SLCO6A1: variants seen among roughly 807,000 people sequenced by gnomAD.
SLCO6A1 encodes solute carrier organic anion transporter family member 6A1.
Under a neutral mutation model 72.7 loss-of-function variants are expected in SLCO6A1, and 65 were observed. The ratio of observed to expected loss-of-function variants is 0.89; its 90% confidence interval spans 0.73 to 1.10. SLCO6A1 has a LOEUF of 1.10. Among genes scored for constraint, SLCO6A1 ranks in the 50% least tolerant of loss-of-function variants. The probability of loss-of-function intolerance (pLI) is 0.00; values close to 1 mark genes in which losing one functional copy is unlikely to be tolerated. For synonymous variants in SLCO6A1, 314 were observed against 298.2 expected, an observed-to-expected ratio of 1.05 and a Z score of -0.55; for missense variants, 874 against 872.6, an observed-to-expected ratio of 1.00 and a Z score of -0.02.
At chr5:102,432,425 G>A (rs1192643708) in intron 7 of SLCO6A1, among the ~76,000 whole-genome samples, 1 of 152,144 alleles carries the variant, frequency 6.6e-6, no homozygotes, top group African/African-American at 2.4e-5. Flanking sequence ...TGTAAGGCAG[G>A]TCTGGTGGTA....
At chr5:102,394,034 T>C (rs184823893) in intron 10 of SLCO6A1, among the ~76,000 whole-genome samples, 122 of 152,308 alleles carry the variant, frequency 8.0e-4, no homozygotes, top group African/African-American at 2.9e-3. Flanking sequence ...CTAGTGCAGA[T>C]TGCCAGCATC....
At chr5:102,381,718 C>T (rs1207649898) in intron 12 of SLCO6A1, among the ~76,000 whole-genome samples, 3 of 143,940 alleles carry the variant, frequency 2.1e-5, no homozygotes, top group Non-Finnish European at 4.5e-5. Flanking sequence ...TCCACATCCT[C>T]ACCAATATTT....
In SLCO6A1 at chr5:102,373,513, A is replaced by G. The variant is rs748153829; in HGVS notation, c.2018-19T>C. The G allele has an allele frequency of 4.9e-6, 7 of 1,439,200 alleles. No individual in the cohort carries two copies. The East Asian group carries it at 1.8e-4, about 37-fold the overall frequency. The allele number at this position is 1,439,200 out of a possible 1,614,324, so 89.2% of individuals were successfully genotyped here. A position where few individuals can be genotyped will look rare whatever the true frequency, so the allele number is the denominator to read the frequency against. ...AGAAAACCTAAATTTAAAAAATGCA[A>G]TGATCAGATATGTCCATGTATTTAG... is the stretch of plus-strand genomic sequence containing the variant. On this transcript the variant is annotated intron_variant, in intron 12 of 13. Transcript: ENST00000506729.
chr5:102,393,313 G>A (rs774931062), intron 10 of SLCO6A1, among the ~76,000 whole-genome samples: 6 of 152,060 alleles, frequency 3.9e-5, no homozygotes, highest in Non-Finnish European at 7.4e-5. Flanking sequence ...ATTTAAAATG[G>A]TCAGCCTGAT....
At chr5:102,409,607 A>G (rs1747862642) in intron 9 of SLCO6A1, among the ~76,000 whole-genome samples, 1 of 151,988 alleles carries the variant, frequency 6.6e-6, no homozygotes, top group Non-Finnish European at 1.5e-5. Context: ...TATCAAAGCC[A>G]TTTTTCCTAG....
chr5:102,383,060 C>G (rs1746203209), intron 12 of SLCO6A1, among the ~76,000 whole-genome samples: 1 of 97,876 alleles, frequency 1.0e-5, no homozygotes, highest in Admixed American at 1.0e-4. Context: ...TGACACTCTA[C>G]CAAAAACTAT....
At chr5:102,394,201 T>C (rs1746934198) in intron 10 of SLCO6A1, among the ~76,000 whole-genome samples, 1 of 152,216 alleles carries the variant, frequency 6.6e-6, no homozygotes, top group Admixed American at 6.6e-5. Flanking sequence ...TTGTCCTCTA[T>C]ATGAGCATTG....
intron 7 of SLCO6A1, among the ~76,000 whole-genome samples, chr5:102,437,064 T>C (rs1172547134): frequency 6.6e-6 from 1 of 152,184 alleles, no homozygotes; most frequent in East Asian, 1.9e-4. Context: ...CCTGGCAAGA[T>C]TAGTGGTATG....
intron 4 of SLCO6A1, among the ~76,000 whole-genome samples, chr5:102,468,281 G>T (rs1355908899): frequency 6.6e-6 from 1 of 152,078 alleles, no homozygotes; most frequent in East Asian, 1.9e-4. Context: ...AATGTTCCAT[G>T]TGCTGAGGAA....
intron 12 of SLCO6A1, among the ~76,000 whole-genome samples, chr5:102,385,702 T>C (rs1746376760): frequency 6.6e-6 from 1 of 152,128 alleles, no homozygotes; most frequent in African/African-American, 2.4e-5. Context: ...TTGTGTATTA[T>C]TTTTGTTATT....
At chr5:102,399,839 G>A in intron 9 of SLCO6A1, 97 bp from the exon 10 acceptor site, 1 of 783,142 alleles carries the variant, frequency 1.3e-6, no homozygotes, top group Non-Finnish European at 1.9e-6. Flanking sequence ...ACTGCAAGGA[G>A]ACTCATTAGT....
At chr5:102,437,383 A>T (rs972205540) in intron 7 of SLCO6A1, among the ~76,000 whole-genome samples, 7 of 152,282 alleles carry the variant, frequency 4.6e-5, no homozygotes, top group Non-Finnish European at 1.0e-4. Flanking sequence ...TTTAAGATAG[A>T]CCTTGATGGC....
intron 1 of SLCO6A1, among the ~76,000 whole-genome samples, chr5:102,484,800 C>CTT (rs1221989892): frequency 6.6e-6 from 1 of 152,134 alleles, no homozygotes; most frequent in East Asian, 1.9e-4. Context: ...TAAACACATA[C>CTT]TTTAACCAGT....
intron 7 of SLCO6A1, among the ~76,000 whole-genome samples, chr5:102,422,942 C>A (rs994024701): frequency 6.6e-6 from 1 of 152,162 alleles, no homozygotes; most frequent in East Asian, 1.9e-4. Flanking sequence ...AGAAACCCTA[C>A]AAGCCAGAAG....
At position 102,373,370 on chromosome 5, in the gene SLCO6A1, T is replaced by G. The variant is rs146381310; in HGVS notation, c.2142A>C (p.Lys714Asn). Residue 714 changes from lysine (K) to asparagine (N), a missense_variant, in exon 13 of 14, where the codon AAA (lysine) becomes AAC (asparagine). Coordinates refer to ENST00000506729, the MANE Select transcript of SLCO6A1 (RefSeq NM_173488.5). ...GATCCAGTTACAAGTCAGTTTCTTCTTTTTTCTTAACTTTTGGATTCTTCA... is the reference window on the plus strand; with the variant it reads ...GATCCAGTTACAAGTCAGTTTCTTCGTTTTTCTTAACTTTTGGATTCTTCA... ...VTVKNPKVKK[K>N]EETDL The G allele has an allele frequency of 6.4e-7, 1 of 1,564,356 alleles. No homozygotes were observed. The highest frequency in any genetic ancestry group is 1.3e-5 in the South Asian group (1 of 79,370).
At chr5:102,451,786 A>G (rs1469848184) in intron 6 of SLCO6A1, among the ~76,000 whole-genome samples, 1 of 152,176 alleles carries the variant, frequency 6.6e-6, no homozygotes, top group East Asian at 1.9e-4. Flanking sequence ...GTCCTCCTGG[A>G]CAGGCCAGTT....
chr5:102,413,411 T>TA (rs200887916), intron 8 of SLCO6A1, among the ~76,000 whole-genome samples: 27 of 149,030 alleles, frequency 1.8e-4, no homozygotes, highest in Middle Eastern at 3.5e-3. Flanking sequence ...AACATAATAA[T>TA]AAAAAAAAAA....
intron 1 of SLCO6A1, among the ~76,000 whole-genome samples, chr5:102,496,108 T>C (rs1752898796): frequency 6.6e-6 from 1 of 152,124 alleles, no homozygotes; most frequent in South Asian, 2.1e-4. Context: ...TGAGGAACGA[T>C]GGTTATGTAA....
chr5:102,382,666 A>G (rs937747125), intron 12 of SLCO6A1, among the ~76,000 whole-genome samples: 2 of 151,010 alleles, frequency 1.3e-5, no homozygotes, highest in Non-Finnish European at 3.0e-5. Flanking sequence ...TCTTTCATCA[A>G]TCTCTTATGA....
Sources: gnomAD v4.1 joint callset for allele counts (sites outside exome capture counted in the v4.1 genomes callset) on GRCh38, gnomAD v4.1.1 for gene constraint, MANE v1.5 for transcripts, NCBI Gene and HGNC (gene_info 2026-07-23, HGNC 2026-07-21) for gene names.